The following ERBB4 variants were observed in gnomAD, a reference collection of about 807,000 sequenced individuals.
ERBB4 encodes receptor tyrosine-protein kinase erbB-4.
In ERBB4, 42 loss-of-function variants were observed where a neutral mutation model predicts 158.0. That is an observed-to-expected ratio of 0.27 (90% CI 0.21 to 0.34). The LOEUF (loss-of-function observed/expected upper bound fraction) is 0.34. Among genes scored for constraint, ERBB4 ranks in the 10% least tolerant of loss-of-function variants. ERBB4 has a pLI of 1.00. For synonymous variants in ERBB4, 583 were observed against 558.7 expected (o/e 1.04, Z -0.61); for missense variants, 1,333 against 1,624.1 (o/e 0.82, Z 3.08).
intron 20 of ERBB4, among the ~76,000 whole-genome samples, chr2:211,472,399 GAAGA>G (rs2064849104): frequency 6.6e-6 from 1 of 150,730 alleles, no homozygotes; most frequent in African/African-American, 2.4e-5. Context: ...ATTGTGTCAT[GAAGA>G]GAGACAGGGA....
At chr2:211,999,740 T>G (rs1412459407) in intron 2 of ERBB4, among the ~76,000 whole-genome samples, 1 of 151,784 alleles carries the variant, frequency 6.6e-6, no homozygotes, top group Non-Finnish European at 1.5e-5. Flanking sequence ...CTATAATTTT[T>G]GTGTGTGTTG....
chr2:211,600,097 T>C (rs1193229499), intron 19 of ERBB4, among the ~76,000 whole-genome samples: 1 of 152,178 alleles, frequency 6.6e-6, no homozygotes, highest in East Asian at 1.9e-4. Context: ...ATGAGATTAT[T>C]GAATGGCTGA....
chr2:211,962,530 C>G (rs552125953), intron 2 of ERBB4, among the ~76,000 whole-genome samples: 2 of 151,982 alleles, frequency 1.3e-5, no homozygotes, highest in South Asian at 4.1e-4. Flanking sequence ...TTACACCAGG[C>G]AATGGGGAAT....
chr2:212,464,025 C>T (rs2170529), intron 1 of ERBB4, among the ~76,000 whole-genome samples: 61,252 of 151,836 alleles, frequency 0.4, 12,748 homozygotes, highest in African/African-American at 0.46. Context: ...AAGTGGAATA[C>T]AGAAACTGCC....
chr2:212,095,285 A>C (rs79138795), intron 2 of ERBB4, among the ~76,000 whole-genome samples: 6,941 of 152,260 alleles, frequency 0.046, 535 homozygotes, highest in African/African-American at 0.16. Flanking sequence ...CCCACTTATT[A>C]AATTGATTTT....
chr2:211,695,015 T>G (rs1433628245), intron 12 of ERBB4, among the ~76,000 whole-genome samples: 1 of 152,190 alleles, frequency 6.6e-6, no homozygotes, highest in African/African-American at 2.4e-5. Context: ...ATAAAGTCTG[T>G]TTATTTTATA....
intron 2 of ERBB4, among the ~76,000 whole-genome samples, chr2:211,955,203 CTT>C (rs2080993752): frequency 6.6e-6 from 1 of 152,040 alleles, no homozygotes. Context: ...CAGCTAGTCT[CTT>C]GGGTGCTAGT....
chr2:212,142,935 C>CT (rs763731261), intron 1 of ERBB4, among the ~76,000 whole-genome samples: 243 of 144,140 alleles, frequency 1.7e-3, no homozygotes, highest in African/African-American at 3.1e-3. Context: ...TTAGGAACAT[C>CT]TTTTTTTTTT....
chr2:212,371,405 T>C (rs1193855139), intron 1 of ERBB4, among the ~76,000 whole-genome samples: 1 of 152,236 alleles, frequency 6.6e-6, no homozygotes, highest in Non-Finnish European at 1.5e-5. Context: ...ATACATGCCA[T>C]GCTCAAAAGA....
chr2:212,312,416 C>A (rs1426426671), intron 1 of ERBB4, among the ~76,000 whole-genome samples: 1 of 150,816 alleles, frequency 6.6e-6, no homozygotes, highest in East Asian at 2.0e-4. Context: ...TGTGTATTAT[C>A]CATCTTCCAA....
Position 212,015,039 on chromosome 2 carries a change from AAAATATATATATATATAT to A in ERBB4, c.235-67441_235-67424del, listed in dbSNP as rs2076479914. On this transcript the variant is annotated intron_variant, in intron 2 of 27. Coordinates refer to ENST00000342788, the MANE Select transcript of ERBB4 (RefSeq NM_005235.3). ...AACCCCGTCTCTACTAAAAAAAAAA[AAAATATATATATATATAT>A]ATATATATATATATATATATATATA... 4.2e-4 allele frequency among the ~76,000 whole-genome samples: 6 copies of A among 14,436 alleles called. 1 individual carries two copies. The highest frequency in any genetic ancestry group is 8.3e-4 in the African/African-American group (6 of 7,244). The allele number at this position is 14,436 out of a possible 152,430, so 9.5% of individuals were successfully genotyped here. A position where few individuals can be genotyped will look rare whatever the true frequency, so the allele number is the denominator to read the frequency against.
At chr2:211,961,937 A>G (rs1159307838) in intron 2 of ERBB4, among the ~76,000 whole-genome samples, 1 of 152,144 alleles carries the variant, frequency 6.6e-6, no homozygotes, top group Non-Finnish European at 1.5e-5. Flanking sequence ...TTGGGTGATA[A>G]AACTATAAAG....
intron 4 of ERBB4, among the ~76,000 whole-genome samples, chr2:211,781,180 T>C (rs977138100): frequency 2.6e-5 from 4 of 152,180 alleles, no homozygotes; most frequent in African/African-American, 4.8e-5. Context: ...TTGTACTCTA[T>C]CTCGAGAATT....
chr2:211,738,051 G>A (rs888513019), intron 5 of ERBB4, among the ~76,000 whole-genome samples: 6 of 151,882 alleles, frequency 4.0e-5, no homozygotes, highest in African/African-American at 7.3e-5. Context: ...AATACATTTC[G>A]TGGTTCAAGA....
intron 4 of ERBB4, among the ~76,000 whole-genome samples, chr2:211,776,656 A>G (rs1404676013): frequency 1.3e-5 from 2 of 152,236 alleles, no homozygotes; most frequent in African/African-American, 2.4e-5. Flanking sequence ...GAAAATTAAA[A>G]TATGAGAAAG....
intron 1 of ERBB4, among the ~76,000 whole-genome samples, chr2:212,250,354 T>C (rs553188360): frequency 6.6e-6 from 1 of 152,076 alleles, no homozygotes; most frequent in South Asian, 2.1e-4. Flanking sequence ...TCCAACCTTA[T>C]GTAATTGTGA....
At position 211,760,112 on chromosome 2, in the gene ERBB4, G is replaced by C. The variant is rs560256687; in HGVS notation, c.557-9408C>G. ...TAATTTCACATCATATTTTTCAGCAGATTTGTAGCTCATTAAAAGATTACT... is the reference window on the plus strand; with the variant it reads ...TAATTTCACATCATATTTTTCAGCACATTTGTAGCTCATTAAAAGATTACT... On this transcript the variant is annotated intron_variant, in intron 4 of 27. Transcript: ENST00000342788. 9.2e-5 allele frequency among the ~76,000 whole-genome samples: 14 copies of C among 152,242 alleles called. No homozygotes were observed. In the South Asian group the frequency reaches 2.9e-3, roughly 32 times the overall value.
At chr2:212,061,462 A>C (rs2077763684) in intron 2 of ERBB4, among the ~76,000 whole-genome samples, 2 of 147,878 alleles carry the variant, frequency 1.4e-5, no homozygotes, top group Admixed American at 1.3e-4. Flanking sequence ...CCAAAAAAAA[A>C]AAAAAAAAAA....
At chr2:212,485,875 G>A (rs1689951137) in intron 1 of ERBB4, among the ~76,000 whole-genome samples, 1 of 151,940 alleles carries the variant, frequency 6.6e-6, no homozygotes, top group African/African-American at 2.4e-5. Flanking sequence ...TTTTATAAAG[G>A]CACTAATCCT....
Sources: allele counts gnomAD v4.1 joint callset (sites outside exome capture counted in the v4.1 genomes callset), GRCh38; gene constraint gnomAD v4.1.1; transcripts MANE v1.5; gene names NCBI Gene and HGNC (gene_info 2026-07-23, HGNC 2026-07-21).